The following ERC1 variants were observed in gnomAD, a reference collection of about 807,000 sequenced individuals.
ERC1 encodes the protein ELKS/RAB6-interacting/CAST family member 1, also known as RAB6 interacting protein 2.
In ERC1, 56 loss-of-function variants were observed where a neutral mutation model predicts 132.0. The observed-to-expected ratio is 0.42, with a 90% confidence interval of 0.34 to 0.53. The LOEUF is 0.53. Ranked by LOEUF, ERC1 falls within the 20% of genes least tolerant of loss-of-function variation. The probability of loss-of-function intolerance (pLI) is 0.03; values close to 1 mark genes in which losing one functional copy is unlikely to be tolerated. For missense variants in ERC1, 1,202 were observed against 1,349.9 expected (o/e 0.89, Z 1.72); for synonymous variants, 478 against 476.1 (o/e 1.00, Z -0.05).
chr12:1,335,135 G>A (rs564321204), intron 15 of ERC1, among the ~76,000 whole-genome samples: 6 of 152,092 alleles, frequency 3.9e-5, no homozygotes, highest in African/African-American at 9.7e-5. Context: ...GGACCAAGAC[G>A]ATGGGGTTTT....
intron 15 of ERC1, among the ~76,000 whole-genome samples, chr12:1,349,839 C>T (rs1303986312): frequency 6.6e-6 from 1 of 152,052 alleles, no homozygotes; most frequent in Non-Finnish European, 1.5e-5. Context: ...GTTAGACTTC[C>T]AGCTTTCCTA....
chr12:1,386,934 G>A (rs1281249452), intron 16 of ERC1: 1 of 152,214 alleles, frequency 6.6e-6, no homozygotes, highest in Non-Finnish European at 1.5e-5. Flanking sequence ...GAAGCCAGGG[G>A]AGCCACCACA....
At chr12:1,200,823 G>T (rs1444728019) in intron 12 of ERC1, among the ~76,000 whole-genome samples, 1 of 152,120 alleles carries the variant, frequency 6.6e-6, no homozygotes, top group Non-Finnish European at 1.5e-5. Context: ...CTCCCAAAGT[G>T]CTGGGATTTC....
At chr12:1,213,640 G>A (rs1207819487) in intron 12 of ERC1, among the ~76,000 whole-genome samples, 1 of 151,774 alleles carries the variant, frequency 6.6e-6, no homozygotes, top group Admixed American at 6.6e-5. Context: ...GGGAGGCTGA[G>A]GCAGGAGAAT....
intron 14 of ERC1, among the ~76,000 whole-genome samples, chr12:1,286,457 T>TTTA (rs2154338662): frequency 6.6e-6 from 1 of 152,286 alleles, no homozygotes; most frequent in African/African-American, 2.4e-5. Flanking sequence ...TTTCCTTAAC[T>TTTA]TAATAAAGGG....
chr12:1,180,671 A>G lies in ERC1; in HGVS notation c.1869A>G (p.Ala623=), dbSNP rs1215003109. 4.3e-6 allele frequency: 7 copies of G among 1,613,936 alleles called. No homozygotes were observed. In the African/African-American group the frequency reaches 5.3e-5, roughly 12 times the overall value. The change falls in exon 9 of 19, where the codon GCA becomes GCG. Residue 623 remains alanine, a synonymous_variant. Transcript: ENST00000360905. ...TGACAACTTTGGAGGAGGCCCTTGC[A>G]GAGAAAGTGAGTGGCTGGCCCCAAC... The part of the protein sequence containing the change: ...TALTTLEEAL[A]EKERTIERLK...
chr12:1,369,533 A>G (rs2086979409), intron 15 of ERC1, among the ~76,000 whole-genome samples: 1 of 152,178 alleles, frequency 6.6e-6, no homozygotes, highest in Non-Finnish European at 1.5e-5. Context: ...GTGCACAGAA[A>G]TGTAGCACCC....
chr12:1,186,305 G>A (rs1955087742), intron 11 of ERC1, among the ~76,000 whole-genome samples: 1 of 152,130 alleles, frequency 6.6e-6, no homozygotes, highest in Non-Finnish European at 1.5e-5. Flanking sequence ...ATTTCTATGG[G>A]AATATGATTA....
chr12:1,104,224 G>A (rs1258312896), intron 3 of ERC1, among the ~76,000 whole-genome samples: 1 of 151,992 alleles, frequency 6.6e-6, no homozygotes, highest in African/African-American at 2.4e-5. Flanking sequence ...CCTAACTGTA[G>A]CACCACTAGA....
intron 3 of ERC1, among the ~76,000 whole-genome samples, chr12:1,084,749 T>G (rs1593198024): frequency 6.6e-6 from 1 of 152,236 alleles, no homozygotes; most frequent in South Asian, 2.1e-4. Context: ...TGGAGTGCAG[T>G]GGCATGATCA....
chr12:1,076,078 T>C (rs1941288904), intron 2 of ERC1, among the ~76,000 whole-genome samples: 1 of 152,248 alleles, frequency 6.6e-6, no homozygotes, highest in African/African-American at 2.4e-5. Flanking sequence ...TCTGTGTTCC[T>C]TTTGTCTTTC....
intron 14 of ERC1, among the ~76,000 whole-genome samples, chr12:1,285,424 G>A (rs1236898735): frequency 6.6e-6 from 1 of 152,036 alleles, no homozygotes; most frequent in African/African-American, 2.4e-5. Flanking sequence ...AAAGTCAGCT[G>A]GTCTTTGGTG....
chr12:1,017,367 A>G (rs1223922858), intron 1 of ERC1, among the ~76,000 whole-genome samples: 1 of 152,140 alleles, frequency 6.6e-6, no homozygotes, highest in South Asian at 2.1e-4. Flanking sequence ...GTGAAACTGT[A>G]TTGTTAATAA....
At chr12:1,472,493 A>G (rs887146569) in intron 18 of ERC1, among the ~76,000 whole-genome samples, 2 of 152,088 alleles carry the variant, frequency 1.3e-5, no homozygotes, top group Admixed American at 6.5e-5. Context: ...TACAAAAAAA[A>G]TTTAAAATTA....
chr12:1,189,649 A>G (rs1955507148), intron 11 of ERC1, among the ~76,000 whole-genome samples: 1 of 152,256 alleles, frequency 6.6e-6, no homozygotes, highest in Non-Finnish European at 1.5e-5. Context: ...TAAAACAACT[A>G]ATCTACTTGG....
chr12:1,198,323 A>C (rs1451735217), intron 12 of ERC1, among the ~76,000 whole-genome samples: 1 of 152,184 alleles, frequency 6.6e-6, no homozygotes, highest in East Asian at 1.9e-4. Flanking sequence ...AAGGCTAATA[A>C]GTAATTTTGG....
At chr12:1,024,979 G>T (rs932779759) in intron 1 of ERC1, among the ~76,000 whole-genome samples, 2 of 152,076 alleles carry the variant, frequency 1.3e-5, no homozygotes, top group Non-Finnish European at 2.9e-5. Context: ...ATTTAGAGAT[G>T]ATTTAAAGTA....
chr12:1,376,541 GTCTTCCCCACAGC>G (rs776548250), intron 16 of ERC1, among the ~76,000 whole-genome samples: 1 of 152,204 alleles, frequency 6.6e-6, no homozygotes, highest in Non-Finnish European at 1.5e-5. Context: ...ACATCACCGG[GTCTTCCCCACAGC>G]TCTGGAGAGT....
At chr12:1,003,199 A>G (rs1699636665) in intron 1 of ERC1, among the ~76,000 whole-genome samples, 2 of 151,678 alleles carry the variant, frequency 1.3e-5, no homozygotes, top group Non-Finnish European at 2.9e-5. Flanking sequence ...GGGTAGAATT[A>G]CTTTTTTGTA....
Sources: gnomAD v4.1 joint callset for allele counts (sites outside exome capture counted in the v4.1 genomes callset) on GRCh38, gnomAD v4.1.1 for gene constraint, MANE v1.5 for transcripts, NCBI Gene and HGNC (gene_info 2026-07-23, HGNC 2026-07-21) for gene names.